DMRT1: variants seen among roughly 807,000 people sequenced by gnomAD.
DMRT1 encodes doublesex- and mab-3-related transcription factor 1.
Under a neutral mutation model 32.3 loss-of-function variants are expected in DMRT1, and 7 were observed. That is an observed-to-expected ratio of 0.22 (90% CI 0.12 to 0.41). DMRT1 has a LOEUF of 0.41. DMRT1 is among the 10% of genes least tolerant of loss of function. The pLI is 1.00. For synonymous variants in DMRT1, 278 were observed against 206.1 expected (o/e 1.35, Z -2.99); for missense variants, 625 against 500.5 (o/e 1.25, Z -2.37).
intron 2 of DMRT1, among the ~76,000 whole-genome samples, chr9:884,602 T>C (rs1432830641): frequency 6.6e-6 from 1 of 152,214 alleles, no homozygotes; most frequent in East Asian, 1.9e-4. Context: ...CTGATGCTTT[T>C]CTGAGTGGTT....
intron 4 of DMRT1, among the ~76,000 whole-genome samples, chr9:962,601 T>C (rs1196319864): frequency 6.6e-6 from 1 of 151,540 alleles, no homozygotes; most frequent in Non-Finnish European, 1.5e-5. Context: ...TGCCATGCTG[T>C]GGTCCAGGAG....
At chr9:890,085 G>GTTTTTTTTTTTT (rs35228255) in intron 2 of DMRT1, among the ~76,000 whole-genome samples, 62 of 102,992 alleles carry the variant, frequency 6.0e-4, no homozygotes, top group African/African-American at 2.1e-3. Context: ...CACCAAACGT[G>GTTTTTTTTTTTT]TTTTTTTTTT....
chr9:859,365 C>T (rs529880541), intron 2 of DMRT1, among the ~76,000 whole-genome samples: 2 of 152,290 alleles, frequency 1.3e-5, no homozygotes, highest in Admixed American at 1.3e-4. Flanking sequence ...GTCTGATGAT[C>T]TGGACTCTGA....
chr9:844,745 G>A (rs1477006691), intron 1 of DMRT1, among the ~76,000 whole-genome samples: 2 of 141,168 alleles, frequency 1.4e-5, no homozygotes, highest in African/African-American at 5.4e-5. Flanking sequence ...TTTGAGACAG[G>A]AGTCTCGCTC....
Position 910,627 on chromosome 9 carries a change from G to C in DMRT1, c.823-6136G>C, listed in dbSNP as rs900517375. On this transcript the variant is annotated intron_variant, in intron 3 of 4. Transcript: ENST00000382276. ...CTAACACGTATAAAAGGAAATTATG[G>C]CTCGGGTTTACTGTAATGCATATTC... Among the ~76,000 whole-genome samples, 4 of 151,870 alleles carry C rather than the reference G, an allele frequency of 2.6e-5. No individual in the cohort carries two copies. The East Asian group carries it at 5.8e-4, about 22-fold the overall frequency.
chr9:866,363 T>C, intron 2 of DMRT1, among the ~76,000 whole-genome samples: 1 of 152,004 alleles, frequency 6.6e-6, no homozygotes, highest in African/African-American at 2.4e-5. Flanking sequence ...CAAGGGAATG[T>C]CATAATATTT....
At chr9:886,152 A>T (rs1241540057) in intron 2 of DMRT1, among the ~76,000 whole-genome samples, 1 of 152,222 alleles carries the variant, frequency 6.6e-6, no homozygotes, top group Non-Finnish European at 1.5e-5. Flanking sequence ...TACAGTGCAC[A>T]CAAGCCATGG....
intron 2 of DMRT1, among the ~76,000 whole-genome samples, chr9:870,399 C>G (rs1420109393): frequency 8.8e-6 from 1 of 114,036 alleles, no homozygotes; most frequent in Non-Finnish European, 2.2e-5. Flanking sequence ...AACTCTGTCT[C>G]AAAAAACAAC....
rs983369305 is a variant in DMRT1, at chr9:841,987, G to C, written c.149G>C (p.Ser50Thr). The C allele has an allele frequency of 1.8e-5, 28 of 1,573,504 alleles. No homozygotes were observed. The highest frequency in any genetic ancestry group is 1.9e-4 in the Middle Eastern group (1 of 5,308). ...GCCAGCGGCTCGAGCGCCGGGGGCAGCAGCAGAGGAGGCGGCTCCGGCTCC... is the reference window on the plus strand; with the variant it reads ...GCCAGCGGCTCGAGCGCCGGGGGCACCAGCAGAGGAGGCGGCTCCGGCTCC... ...GAASGSSAGG[S>T]SRGGGSGSGA... The change falls in exon 1 of 5, where the codon AGC (serine) becomes ACC (threonine). Residue 50 changes from serine (S) to threonine (T), a missense_variant. Around this residue, in one of 3 missense-constraint regions of DMRT1, gnomAD observed 201 missense variants for 152.0 expected, o/e 1.32. Transcript: ENST00000382276.
chr9:921,546 G>GTAATTT (rs1818354858), intron 4 of DMRT1, among the ~76,000 whole-genome samples: 1 of 152,048 alleles, frequency 6.6e-6, no homozygotes, highest in African/African-American at 2.4e-5. Flanking sequence ...AAGTCTATAT[G>GTAATTT]TAATTTTTGA....
chr9:957,091 C>G (rs1238637398), intron 4 of DMRT1, among the ~76,000 whole-genome samples: 1 of 152,170 alleles, frequency 6.6e-6, no homozygotes, highest in Admixed American at 6.5e-5. Context: ...TTTTTCAACC[C>G]TTGCCTCCCC....
At chr9:857,781 C>G (rs1815465006) in intron 2 of DMRT1, among the ~76,000 whole-genome samples, 2 of 115,306 alleles carry the variant, frequency 1.7e-5, no homozygotes, top group Non-Finnish European at 1.7e-5. Context: ...CCCCCCTCCC[C>G]CCACCCCACA....
At chr9:844,831 C>T (rs974551899) in intron 1 of DMRT1, among the ~76,000 whole-genome samples, 2 of 149,154 alleles carry the variant, frequency 1.3e-5, no homozygotes, top group Non-Finnish European at 3.0e-5. Context: ...AGCGATTCTT[C>T]TGCCTCGGCC....
chr9:867,751 G>A (rs1253173710), intron 2 of DMRT1, among the ~76,000 whole-genome samples: 1 of 152,152 alleles, frequency 6.6e-6, no homozygotes, highest in Non-Finnish European at 1.5e-5. Flanking sequence ...GACCCAGTAG[G>A]TGGCCAGGTG....
At chr9:943,742 A>G (rs771603447) in intron 4 of DMRT1, among the ~76,000 whole-genome samples, 5 of 152,140 alleles carry the variant, frequency 3.3e-5, no homozygotes, top group Admixed American at 6.5e-5. Flanking sequence ...GCAGATTACA[A>G]TTTACTGATG....
intron 2 of DMRT1, among the ~76,000 whole-genome samples, chr9:881,759 G>A (rs547478667): frequency 1.3e-5 from 2 of 152,336 alleles, no homozygotes; most frequent in East Asian, 1.9e-4. Context: ...CTTTTAGAAT[G>A]TAGCCTTGAT....
chr9:921,457 T>TGTACAA (rs1340667204), intron 4 of DMRT1, among the ~76,000 whole-genome samples: 1 of 152,218 alleles, frequency 6.6e-6, no homozygotes, highest in East Asian at 1.9e-4. Flanking sequence ...TGAACATTTG[T>TGTACAA]GTACAAGTCT....
intron 2 of DMRT1, among the ~76,000 whole-genome samples, chr9:869,436 T>G (rs1415763997): frequency 1.3e-5 from 2 of 152,268 alleles, no homozygotes; most frequent in Non-Finnish European, 2.9e-5. Flanking sequence ...TTTGGAATTG[T>G]GTACCTTTTA....
intron 3 of DMRT1, among the ~76,000 whole-genome samples, chr9:914,980 A>C (rs1818123792): frequency 6.6e-6 from 1 of 152,216 alleles, no homozygotes; most frequent in Non-Finnish European, 1.5e-5. Flanking sequence ...CCAGTGCCTA[A>C]TTTTACACTA....
Sources: gnomAD v4.1 joint callset for allele counts (sites outside exome capture counted in the v4.1 genomes callset) on GRCh38, gnomAD v4.1.1 for gene constraint, gnomAD v4.1.1 regional missense constraint, MANE v1.5 for transcripts, NCBI Gene and HGNC (gene_info 2026-07-23, HGNC 2026-07-21) for gene names.